RYR2: variants seen among roughly 807,000 people sequenced by gnomAD.
The protein encoded by RYR2 is ryanodine receptor 2.
In RYR2, 227 loss-of-function variants were observed where a neutral mutation model predicts 601.1. The observed-to-expected ratio is 0.38, with a 90% CI of 0.34 to 0.42. The LOEUF (loss-of-function observed/expected upper bound fraction) is 0.42. Among genes scored for constraint, RYR2 ranks in the 10% least tolerant of loss-of-function variants. The probability of loss-of-function intolerance (pLI) is 1.00; values close to 1 mark genes in which losing one functional copy is unlikely to be tolerated. For synonymous variants in RYR2, 2,223 were observed against 2,175.1 expected, an observed-to-expected ratio of 1.02 and a Z score of -0.61; for missense variants, 4,646 against 6,156.5, an observed-to-expected ratio of 0.75 and a Z score of 8.21.
intron 2 of RYR2, among the ~76,000 whole-genome samples, chr1:237,288,517 T>C (rs940556466): frequency 2.6e-5 from 4 of 151,752 alleles, no homozygotes; most frequent in South Asian, 2.1e-4. Context: ...GTGAGATACC[T>C]AGGTTACTGG....
At chr1:237,208,962 A>ATATATATATATGTG (rs1558427927) in intron 1 of RYR2, among the ~76,000 whole-genome samples, 38 of 103,926 alleles carry the variant, frequency 3.7e-4, no homozygotes, top group African/African-American at 5.2e-4. Context: ...ATATATATAT[A>ATATATATATATGTG]TATATATATA....
At chr1:237,490,830 T>C (rs914176195) in intron 17 of RYR2, among the ~76,000 whole-genome samples, 1 of 152,238 alleles carries the variant, frequency 6.6e-6, no homozygotes, top group Admixed American at 6.5e-5. Context: ...TATGATACCT[T>C]TGTAAATGTA....
intron 1 of RYR2, among the ~76,000 whole-genome samples, chr1:237,132,797 A>C (rs966657176): frequency 1.3e-5 from 2 of 152,238 alleles, no homozygotes; most frequent in African/African-American, 4.8e-5. Context: ...GGGTAAGTAC[A>C]TTGAGAGTAA....
At chr1:237,464,254 G>A (rs768809932) in intron 16 of RYR2, among the ~76,000 whole-genome samples, 1 of 152,040 alleles carries the variant, frequency 6.6e-6, no homozygotes. Flanking sequence ...GGCTTATTTG[G>A]TTACATTTTT....
chr1:237,821,896 C>T (rs1332089400), intron 101 of RYR2, among the ~76,000 whole-genome samples: 4 of 150,750 alleles, frequency 2.7e-5, no homozygotes, highest in Admixed American at 1.3e-4. Context: ...TAGCAATAGC[C>T]GAATCAATCA....
intron 79 of RYR2, among the ~76,000 whole-genome samples, chr1:237,739,797 G>T (rs1421109644): frequency 6.6e-6 from 1 of 152,118 alleles, no homozygotes; most frequent in Non-Finnish European, 1.5e-5. Context: ...AAATCAGAAA[G>T]GCAACTAAGG....
intron 2 of RYR2, among the ~76,000 whole-genome samples, chr1:237,295,024 G>A (rs1692614248): frequency 1.3e-5 from 2 of 152,082 alleles, no homozygotes; most frequent in Non-Finnish European, 2.9e-5. Flanking sequence ...TACCAGCCTG[G>A]GTAACATGGC....
intron 1 of RYR2, among the ~76,000 whole-genome samples, chr1:237,253,771 T>C (rs1360021323): frequency 6.6e-6 from 1 of 152,226 alleles, no homozygotes; most frequent in East Asian, 1.9e-4. Flanking sequence ...AGCTGAAATA[T>C]CTACCAATTG....
intron 63 of RYR2, among the ~76,000 whole-genome samples, chr1:237,690,288 T>C (rs1042226369): frequency 1.3e-5 from 2 of 152,302 alleles, no homozygotes; most frequent in Admixed American, 6.5e-5. Context: ...AAGTCCTATT[T>C]TTCTAACTTA....
intron 39 of RYR2, among the ~76,000 whole-genome samples, chr1:237,624,594 A>G (rs900795970): frequency 2.6e-5 from 4 of 152,224 alleles, no homozygotes; most frequent in Non-Finnish European, 5.9e-5. Flanking sequence ...TACTTTCTAG[A>G]AAATGTAGAC....
chr1:237,411,628 G>A (rs975574096), intron 10 of RYR2, among the ~76,000 whole-genome samples: 13 of 152,104 alleles, frequency 8.5e-5, no homozygotes, highest in Non-Finnish European at 1.5e-4. Flanking sequence ...AGTGGTCTAC[G>A]TGGGTTATAT....
intron 1 of RYR2, among the ~76,000 whole-genome samples, chr1:237,170,947 G>C (rs1038476734): frequency 6.6e-6 from 1 of 152,152 alleles, no homozygotes; most frequent in African/African-American, 2.4e-5. Context: ...TTCCAGGAGG[G>C]ATATTGTTTA....
chr1:237,311,857 C>T (rs759794106), intron 2 of RYR2, among the ~76,000 whole-genome samples: 1 of 152,190 alleles, frequency 6.6e-6, no homozygotes, highest in Non-Finnish European at 1.5e-5. Context: ...TGGGAAAACA[C>T]TTACTCTTAT....
intron 79 of RYR2, among the ~76,000 whole-genome samples, chr1:237,735,115 G>T (rs1280888834): frequency 6.6e-6 from 1 of 152,178 alleles, no homozygotes; most frequent in Non-Finnish European, 1.5e-5. Flanking sequence ...ATCATGTTCT[G>T]CTGTGAGATT....
At chr1:237,296,375 GATTGGAGAAGACAAGAGAATGAAGTA>G in intron 2 of RYR2, among the ~76,000 whole-genome samples, 1 of 152,186 alleles carries the variant, frequency 6.6e-6, no homozygotes, top group Non-Finnish European at 1.5e-5. Flanking sequence ...ATGAAGAGGG[GATTGGAGAAGACAAGAGAATGAAGTA>G]ACTCAATAGG....
In RYR2 at chr1:237,368,880, A is replaced by G. The variant is rs182081491; in HGVS notation, c.310-654A>G. Among the ~76,000 whole-genome samples, 919 of 151,436 alleles carry G rather than the reference A, an allele frequency of 6.1e-3. 15 individuals carry two copies. The highest frequency in any genetic ancestry group is 0.021 in the African/African-American group (860 of 41,246). ...GCTCTGTTGCCCAGGCTGGAGTGCA[A>G]TGGTGCAATCTCAGCTCACTGCAAC... On this transcript the variant is annotated intron_variant, in intron 5 of 104. Coordinates refer to ENST00000366574, the MANE Select transcript of RYR2 (RefSeq NM_001035.3).
chr1:237,830,426 T>C (rs1663642758), intron 102 of RYR2, 104 bp from the exon 103 acceptor site: 2 of 742,770 alleles, frequency 2.7e-6, no homozygotes, highest in Non-Finnish European at 2.5e-6. Context: ...ATCTTTGACG[T>C]GTATTGAGTG....
chr1:237,152,707 G>C (rs144799722), intron 1 of RYR2, among the ~76,000 whole-genome samples: 2,917 of 152,232 alleles, frequency 0.019, 105 homozygotes, highest in African/African-American at 0.066. Flanking sequence ...AAAAACCCCA[G>C]AAGAAAATCT....
intron 19 of RYR2, among the ~76,000 whole-genome samples, chr1:237,494,089 C>A (rs1414196628): frequency 6.6e-6 from 1 of 152,094 alleles, no homozygotes; most frequent in Non-Finnish European, 1.5e-5. Flanking sequence ...AGTCAGGCTT[C>A]TCTAGAGGCA....
Sources: gnomAD v4.1 joint callset for allele counts (sites outside exome capture counted in the v4.1 genomes callset) on GRCh38, gnomAD v4.1.1 for gene constraint, MANE v1.5 for transcripts, NCBI Gene and HGNC (gene_info 2026-07-23, HGNC 2026-07-21) for gene names.